CSMD1: variants seen among roughly 807,000 people sequenced by gnomAD.
CSMD1 encodes CUB and sushi domain-containing protein 1.
A neutral mutation model predicts 417.5 loss-of-function variants in CSMD1; 213 were observed. The observed-to-expected ratio is 0.51, with a 90% confidence interval of 0.46 to 0.57. The LOEUF (loss-of-function observed/expected upper bound fraction) is 0.57. CSMD1 is among the 20% of genes least tolerant of loss of function. The pLI, the probability that CSMD1 is intolerant of heterozygous loss-of-function variation, is 0.00. For synonymous variants in CSMD1, 2,862 were observed against 1,736.8 expected, an observed-to-expected ratio of 1.65 and a Z score of -16.11; for missense variants, 6,923 against 4,529.7, an observed-to-expected ratio of 1.53 and a Z score of -15.17.
rs1420277444 is a variant in CSMD1, at chr8:4,555,635, G to A, written c.302+81707C>T. Reference sequence around the variant, plus strand: ...TCTATGGAGTGTTTTAATTCTTCATGATAAAAATGCTGCTTTTGTCAGAAT... The same window carrying A: ...TCTATGGAGTGTTTTAATTCTTCATAATAAAAATGCTGCTTTTGTCAGAAT... On this transcript the variant is annotated intron_variant, in intron 2 of 69. Coordinates refer to ENST00000635120, the MANE Select transcript of CSMD1 (RefSeq NM_033225.6). Among the ~76,000 whole-genome samples, 5 of 152,092 alleles carry A rather than the reference G, an allele frequency of 3.3e-5. 1 individual carries two copies. The highest frequency in any genetic ancestry group is 7.2e-5 in the African/African-American group (3 of 41,420).
intron 3 of CSMD1, among the ~76,000 whole-genome samples, chr8:4,164,127 A>T (rs1797321925): frequency 6.6e-6 from 1 of 151,966 alleles, no homozygotes; most frequent in Non-Finnish European, 1.5e-5. Flanking sequence ...ATTTTATTAT[A>T]CCTGATAGTG....
intron 59 of CSMD1, 82 bp from the exon 60 acceptor site, chr8:2,963,477 T>G: frequency 7.1e-7 from 1 of 1,399,724 alleles, no homozygotes; most frequent in Non-Finnish European, 1.0e-6. Context: ...ATTTTAATTT[T>G]ACCTGAATTA....
intron 3 of CSMD1, among the ~76,000 whole-genome samples, chr8:4,206,355 C>G (rs925315976): frequency 6.6e-6 from 1 of 152,096 alleles, no homozygotes; most frequent in African/African-American, 2.4e-5. Context: ...TCCCCCCAAC[C>G]CACCACAGGC....
At chr8:4,697,076 G>A (rs576454938) in intron 1 of CSMD1, among the ~76,000 whole-genome samples, 34 of 152,224 alleles carry the variant, frequency 2.2e-4, no homozygotes, top group South Asian at 1.2e-3. Flanking sequence ...GGAGGCTGAC[G>A]CAGGAGAATT....
Position 3,113,653 on chromosome 8 carries a change from G to A in CSMD1, c.6431-3318C>T, listed in dbSNP as rs1332954097. 3.3e-5 allele frequency among the ~76,000 whole-genome samples: 5 copies of A among 152,180 alleles called. No individual in the cohort carries two copies. The South Asian group carries it at 1.0e-3, about 32-fold the overall frequency. On this transcript the variant is annotated intron_variant, in intron 42 of 69. Transcript: ENST00000635120. ...TCAAATACCACGGAGGCTTCCCTTC[G>A]TTCATTGACATCCCTGAGAAGTGGG...
intron 2 of CSMD1, among the ~76,000 whole-genome samples, chr8:4,612,424 G>C (rs866873424): frequency 1.3e-5 from 2 of 152,158 alleles, no homozygotes; most frequent in Admixed American, 6.5e-5. Context: ...TTTTCTTCAG[G>C]AAAATAATAG....
intron 3 of CSMD1, among the ~76,000 whole-genome samples, chr8:4,099,247 A>T (rs1324736742): frequency 6.6e-6 from 1 of 151,416 alleles, no homozygotes; most frequent in African/African-American, 2.4e-5. Flanking sequence ...TTCCCTCTTC[A>T]AGTGTCTTTC....
chr8:4,270,743 G>C (rs897986737), intron 3 of CSMD1, among the ~76,000 whole-genome samples: 1 of 152,106 alleles, frequency 6.6e-6, no homozygotes, highest in Non-Finnish European at 1.5e-5. Flanking sequence ...TGTGTTTGAG[G>C]ACAGTGCTAC....
intron 2 of CSMD1, among the ~76,000 whole-genome samples, chr8:4,510,700 C>T (rs1466949820): frequency 1.4e-5 from 2 of 146,716 alleles, no homozygotes; most frequent in Non-Finnish European, 3.0e-5. Flanking sequence ...TCCCCTTTCC[C>T]TTCCTTCCCC....
intron 5 of CSMD1, among the ~76,000 whole-genome samples, chr8:3,972,484 G>C (rs1813156079): frequency 6.6e-6 from 1 of 152,062 alleles, no homozygotes; most frequent in African/African-American, 2.4e-5. Context: ...CTTTCTCATT[G>C]GAATGAATTT....
At chr8:4,439,863 G>A (rs1798362223) in intron 2 of CSMD1, among the ~76,000 whole-genome samples, 1 of 152,100 alleles carries the variant, frequency 6.6e-6, no homozygotes, top group Admixed American at 6.5e-5. Flanking sequence ...AAGATAGGAT[G>A]GTGTAATGAG....
intron 2 of CSMD1, among the ~76,000 whole-genome samples, chr8:4,586,761 C>A (rs1309746153): frequency 2.6e-5 from 4 of 152,270 alleles, no homozygotes; most frequent in East Asian, 1.9e-4. Flanking sequence ...GTGCGGTTCC[C>A]CATGGCACTT....
At chr8:3,828,164 A>T (rs745667792) in intron 5 of CSMD1, among the ~76,000 whole-genome samples, 1 of 152,174 alleles carries the variant, frequency 6.6e-6, no homozygotes, top group South Asian at 2.1e-4. Flanking sequence ...TAACATTTAC[A>T]AAGGCAATCC....
chr8:4,504,945 G>A (rs997160521), intron 2 of CSMD1, among the ~76,000 whole-genome samples: 35 of 152,282 alleles, frequency 2.3e-4, no homozygotes, highest in African/African-American at 4.8e-4. Flanking sequence ...GTAAACATAC[G>A]TGTGCATGTG....
At chr8:4,975,120 A>C (rs779991414) in intron 1 of CSMD1, among the ~76,000 whole-genome samples, 7 of 152,198 alleles carry the variant, frequency 4.6e-5, no homozygotes, top group Admixed American at 3.9e-4. Flanking sequence ...CCCCATAAAA[A>C]AGATAATCAA....
intron 23 of CSMD1, among the ~76,000 whole-genome samples, chr8:3,309,315 A>G (rs774495072): frequency 5.4e-5 from 8 of 148,262 alleles, no homozygotes; most frequent in Non-Finnish European, 1.0e-4. Context: ...TGTCAACTTC[A>G]TGGGAAAAGA....
chr8:3,590,402 G>T (rs1285331298), intron 8 of CSMD1, among the ~76,000 whole-genome samples: 1 of 152,052 alleles, frequency 6.6e-6, no homozygotes, highest in Admixed American at 6.5e-5. Context: ...CACTCTCCAG[G>T]ACCTGAACTC....
chr8:4,821,959 CT>C (rs1799549083), intron 1 of CSMD1, among the ~76,000 whole-genome samples: 4 of 151,982 alleles, frequency 2.6e-5, no homozygotes, highest in African/African-American at 9.7e-5. Context: ...AATAAAGCTT[CT>C]CAGAGAATAC....
chr8:3,596,631 T>C (rs1437486712), intron 8 of CSMD1, among the ~76,000 whole-genome samples: 1 of 152,214 alleles, frequency 6.6e-6, no homozygotes, highest in Non-Finnish European at 1.5e-5. Context: ...GGCAAAACTT[T>C]GCAATTTTTT....
Sources: gnomAD v4.1 joint callset for allele counts (sites outside exome capture counted in the v4.1 genomes callset) on GRCh38, gnomAD v4.1.1 for gene constraint, MANE v1.5 for transcripts, NCBI Gene and HGNC (gene_info 2026-07-23, HGNC 2026-07-21) for gene names.